LARP7: variants seen among roughly 807,000 people sequenced by gnomAD.
The protein encoded by LARP7 is La ribonucleoprotein 7, transcriptional regulator, also known as la-related protein 7.
In LARP7, 52 loss-of-function variants were observed where a neutral mutation model predicts 69.3. The observed-to-expected ratio is 0.75, with a 90% confidence interval of 0.60 to 0.95. The LOEUF (loss-of-function observed/expected upper bound fraction) is 0.95. Among genes scored for constraint, LARP7 ranks in the 40% least tolerant of loss-of-function variants. The pLI is 0.00. For synonymous variants in LARP7, 254 were observed against 215.9 expected, an observed-to-expected ratio of 1.18 and a Z score of -1.55; for missense variants, 733 against 673.0, an observed-to-expected ratio of 1.09 and a Z score of -0.99.
chr4:112,646,502 G>GA (rs1458552268), intron 3 of LARP7, 51 bp downstream of exon 3: 3 of 1,275,836 alleles, frequency 2.4e-6, no homozygotes, highest in Non-Finnish European at 1.1e-6. Flanking sequence ...TAATTATAAA[G>GA]AATGTTAACG....
At chr4:112,648,335 T>C in intron 8 of LARP7, 1 of 530,174 alleles carries the variant, frequency 1.9e-6, no homozygotes, top group South Asian at 1.4e-5. Context: ...AAAAATTTTG[T>C]AACAAAAGGT....
At chr4:112,640,976 G>T (rs1488009160) in intron 1 of LARP7, among the ~76,000 whole-genome samples, 3 of 152,226 alleles carry the variant, frequency 2.0e-5, no homozygotes, top group African/African-American at 7.2e-5. Flanking sequence ...AGAACGAAAA[G>T]ATGGTTGTTA....
intron 2 of LARP7, among the ~76,000 whole-genome samples, chr4:112,646,118 C>T (rs1444524154): frequency 1.3e-5 from 2 of 151,906 alleles, no homozygotes; most frequent in African/African-American, 2.4e-5. Context: ...GCTGGGATTA[C>T]AGGCGTGCAC....
Position 112,648,302 on chromosome 4 carries a change from GTAACCT to G in LARP7, c.1142+472_1142+477del, listed in dbSNP as rs2048466486. On this transcript the variant is annotated intron_variant, in intron 8 of 12. Transcript: ENST00000344442. ...AATCCTTTAACCTGTAACAAGCTTA[GTAACCT>G]TAAAACACAATAACAAAAAAATTTT... is the stretch of plus-strand genomic sequence containing the variant. The G allele has an allele frequency of 1.7e-4, 92 of 527,592 alleles. 1 individual carries two copies. The highest frequency in any genetic ancestry group is 1.3e-3 in the South Asian group (92 of 70,722). The allele number at this position is 527,592 out of a possible 1,614,324, so 32.7% of individuals were successfully genotyped here.
chr4:112,641,663 G>A (rs1020128128), intron 1 of LARP7, among the ~76,000 whole-genome samples: 3 of 152,174 alleles, frequency 2.0e-5, no homozygotes, highest in Admixed American at 6.5e-5. Flanking sequence ...ACCATGAGGT[G>A]TAAGGAAAAG....
chr4:112,641,386 T>C (rs1196643946), intron 1 of LARP7, among the ~76,000 whole-genome samples: 1 of 150,772 alleles, frequency 6.6e-6, no homozygotes, highest in Non-Finnish European at 1.5e-5. Context: ...AGACTCCGTC[T>C]CAGGGAAAAA....
intron 1 of LARP7, chr4:112,637,653 A>T (rs1406677683): frequency 6.6e-6 from 1 of 152,280 alleles, no homozygotes; most frequent in Non-Finnish European, 1.5e-5. Flanking sequence ...GGACTCTGCC[A>T]TCGTCCTCAA....
chr4:112,649,403 G>C (rs1456976016), intron 8 of LARP7, 132 bp from the exon 9 acceptor site: 4 of 657,670 alleles, frequency 6.1e-6, no homozygotes, highest in Admixed American at 3.7e-5. Flanking sequence ...GAAATATTTT[G>C]AATATGTGTT....
intron 10 of LARP7, among the ~76,000 whole-genome samples, chr4:112,652,292 T>TCCC (rs1560948702): frequency 5.7e-5 from 7 of 122,706 alleles, no homozygotes; most frequent in African/African-American, 1.1e-4. Context: ...TAAATAAGAT[T>TCCC]TCCCCCCCCC....
At chr4:112,640,068 A>G (rs1019078700) in intron 1 of LARP7, among the ~76,000 whole-genome samples, 1 of 152,052 alleles carries the variant, frequency 6.6e-6, no homozygotes, top group African/African-American at 2.4e-5. Flanking sequence ...CCTCCCGAGT[A>G]GCTGGCATTA....
intron 4 of LARP7, 48 bp downstream of exon 4, chr4:112,646,719 ATATAAT>A (rs1198506630): frequency 6.4e-7 from 1 of 1,553,214 alleles, no homozygotes; most frequent in Non-Finnish European, 8.7e-7. Context: ...CACAGAAACA[ATATAAT>A]TAAGTTAAAA....
chr4:112,653,514 C>T (rs1387807411), intron 11 of LARP7, among the ~76,000 whole-genome samples: 3 of 151,930 alleles, frequency 2.0e-5, no homozygotes, highest in South Asian at 2.1e-4. Flanking sequence ...GACAGAGTTT[C>T]GCTCTTGTTG....
At chr4:112,649,844 A>T in intron 9 of LARP7, 158 bp downstream of exon 9, 1 of 460,982 alleles carries the variant, frequency 2.2e-6, no homozygotes, top group Non-Finnish European at 3.8e-6. Context: ...CAGATGTGTT[A>T]CTTACTCTTG....
At chr4:112,642,728 C>T (rs2048009644) in intron 1 of LARP7, among the ~76,000 whole-genome samples, 1 of 152,200 alleles carries the variant, frequency 6.6e-6, no homozygotes, top group Admixed American at 6.5e-5. Context: ...CTCCCATTTA[C>T]CCACAACAGG....
intron 1 of LARP7, among the ~76,000 whole-genome samples, chr4:112,642,077 C>G (rs1050237946): frequency 1.3e-5 from 2 of 152,124 alleles, no homozygotes; most frequent in Non-Finnish European, 2.9e-5. Context: ...AGGAAGAAGA[C>G]TCGTTTGGAA....
chr4:112,646,862 T>TA lies in LARP7; in HGVS notation c.460dup (p.Ile154AsnfsTer7), dbSNP rs1382544536. On this transcript the variant is annotated frameshift_variant, in exon 5 of 13. Transcript: ENST00000344442. LOFTEE classifies it high-confidence loss of function. ...TTGGGAAATGTGGCAATGTTGTTTA[T>TA]ATAAGTATACCACATTATAAGTCTA... The TA allele has an allele frequency of 6.2e-7, 1 of 1,607,762 alleles. No individual in the cohort carries two copies. Among genetic ancestry groups the TA allele is most frequent in the East Asian group, 2.2e-5 (1 of 44,836 alleles).
intron 9 of LARP7, 78 bp downstream of exon 9, chr4:112,649,764 A>G: frequency 1.0e-6 from 1 of 965,756 alleles, no homozygotes; most frequent in Non-Finnish European, 1.4e-6. Flanking sequence ...GTTATAAGAT[A>G]AATTTTAATT....
In LARP7 at chr4:112,647,106, A is replaced by C. The variant is rs1180099256; in HGVS notation, c.625A>C (p.Ile209Leu). Reference sequence around the variant, plus strand: ...TCCTAAAACAGTGAAAAATAAGCCCATTCCAGCCTTAAGAGTTGTGGGTGA... The same window carrying C: ...TCCTAAAACAGTGAAAAATAAGCCCCTTCCAGCCTTAAGAGTTGTGGGTGA... The part of the protein sequence containing the change: ...IFPKTVKNKP[I>L]PALRVVEEKK... The change falls in exon 6 of 13, where the codon ATT becomes CTT. Residue 209 changes from isoleucine (I) to leucine (L), a missense_variant. Physicochemically the swap from Ile to Leu is conservative, Grantham distance 5. Transcript: ENST00000344442. 1.9e-6 allele frequency: 3 copies of C among 1,610,710 alleles called. No individual in the cohort carries two copies. The highest frequency in any genetic ancestry group is 2.5e-6 in the Non-Finnish European group (3 of 1,179,278).
intron 8 of LARP7, chr4:112,648,712 C>T: frequency 1.2e-5 from 4 of 337,230 alleles, no homozygotes; most frequent in South Asian, 2.4e-5. Context: ...AAGGCAGGGA[C>T]TTCAGCCACT....
Sources: gnomAD v4.1 joint callset for allele counts (sites outside exome capture counted in the v4.1 genomes callset) on GRCh38, gnomAD v4.1.1 for gene constraint, MANE v1.5 for transcripts, NCBI Gene and HGNC (gene_info 2026-07-23, HGNC 2026-07-21) for gene names.